The following CAMKMT variants were observed in gnomAD, a reference collection of about 807,000 sequenced individuals.
CAMKMT encodes calmodulin-lysine N-methyltransferase.
Under a neutral mutation model 48.0 loss-of-function variants are expected in CAMKMT, and 53 were observed. That is an observed-to-expected ratio of 1.10 (90% CI 0.89 to 1.39). The LOEUF is 1.39. Ranked by LOEUF, CAMKMT falls within the 40% of genes most tolerant of loss-of-function variation. The probability of loss-of-function intolerance (pLI) is 0.00; values close to 1 mark genes in which losing one functional copy is unlikely to be tolerated. For missense variants in CAMKMT, 428 were observed against 402.7 expected (o/e 1.06, Z -0.54); for synonymous variants, 165 against 152.3 (o/e 1.08, Z -0.61).
chr2:44,542,535 A>ACT (rs1176098094), intron 3 of CAMKMT, among the ~76,000 whole-genome samples: 7 of 59,374 alleles, frequency 1.2e-4, no homozygotes, highest in Non-Finnish European at 4.3e-4. Context: ...ACACACACAC[A>ACT]CACTCTCTCT....
intron 3 of CAMKMT, among the ~76,000 whole-genome samples, chr2:44,698,853 C>T (rs757250099): frequency 3.9e-5 from 6 of 152,218 alleles, no homozygotes; most frequent in Non-Finnish European, 7.3e-5. Flanking sequence ...TCCTCTCAAA[C>T]CCTGCCACTG....
At chr2:44,431,621 G>T (rs991280427) in intron 3 of CAMKMT, among the ~76,000 whole-genome samples, 1 of 152,138 alleles carries the variant, frequency 6.6e-6, no homozygotes. Context: ...TCTGTGATAA[G>T]AACCTAGGTA....
At chr2:44,452,637 A>G (rs1667351380) in intron 3 of CAMKMT, among the ~76,000 whole-genome samples, 1 of 152,036 alleles carries the variant, frequency 6.6e-6, no homozygotes, top group Admixed American at 6.6e-5. Flanking sequence ...TACCTTTGAT[A>G]TTCCAAAGTT....
intron 3 of CAMKMT, among the ~76,000 whole-genome samples, chr2:44,417,704 T>G (rs140128463): frequency 2.0e-5 from 3 of 152,336 alleles, no homozygotes; most frequent in African/African-American, 7.2e-5. Flanking sequence ...TTGCTTCACA[T>G]TTTTGCTAAT....
chr2:44,362,040 C>A lies in CAMKMT; in HGVS notation c.33C>A (p.Gly11=). The A allele has an allele frequency of 7.0e-7, 1 of 1,425,454 alleles. No homozygotes were observed. The allele number at this position is 1,425,454 out of a possible 1,614,324, so 88.3% of individuals were successfully genotyped here. Residue 11 remains glycine, a synonymous_variant, in exon 1 of 11, where the codon GGC becomes GGA. Transcript: ENST00000378494. MESRVADAGT[G]ETARAAGGSP... ...CGCGAGTCGCGGACGCTGGGACCGG[C>A]GAGACCGCGCGAGCAGCGGGCGGGA...
chr2:44,563,940 G>A (rs1489238539), intron 3 of CAMKMT, among the ~76,000 whole-genome samples: 1 of 152,142 alleles, frequency 6.6e-6, no homozygotes, highest in African/African-American at 2.4e-5. Context: ...GAACATACAT[G>A]TGCATATGTC....
intron 3 of CAMKMT, among the ~76,000 whole-genome samples, chr2:44,672,775 AAG>A (rs1424396826): frequency 4.6e-5 from 7 of 152,208 alleles, no homozygotes; most frequent in African/African-American, 1.7e-4. Flanking sequence ...AACTACCCTG[AAG>A]TACTGTAAGA....
chr2:44,659,541 G>A (rs1674564967), intron 3 of CAMKMT, among the ~76,000 whole-genome samples: 1 of 141,718 alleles, frequency 7.1e-6, no homozygotes, highest in African/African-American at 2.6e-5. Context: ...ACCAGCCTGG[G>A]CAACATAGGG....
intron 6 of CAMKMT, among the ~76,000 whole-genome samples, chr2:44,708,283 A>C (rs1191059733): frequency 9.0e-6 from 1 of 111,312 alleles, no homozygotes; most frequent in Admixed American, 1.3e-4. Flanking sequence ...TACTTATTTG[A>C]ATTTTAAGCT....
intron 3 of CAMKMT, among the ~76,000 whole-genome samples, chr2:44,689,031 C>T (rs1250286827): frequency 6.6e-6 from 1 of 152,052 alleles, no homozygotes; most frequent in Non-Finnish European, 1.5e-5. Context: ...AGCTGGACTC[C>T]GAGGCAGGAA....
At chr2:44,693,965 G>A (rs181879639) in intron 3 of CAMKMT, among the ~76,000 whole-genome samples, 20 of 152,250 alleles carry the variant, frequency 1.3e-4, no homozygotes, top group South Asian at 6.2e-4. Flanking sequence ...GTGCTGCTTC[G>A]ATGGACATCA....
chr2:44,731,812 A>G (rs1163228304), intron 7 of CAMKMT, among the ~76,000 whole-genome samples: 1 of 152,246 alleles, frequency 6.6e-6, no homozygotes, highest in African/African-American at 2.4e-5. Context: ...AGATGAGGGC[A>G]ATGATACTCA....
chr2:44,623,803 C>T (rs1409938613), intron 3 of CAMKMT, among the ~76,000 whole-genome samples: 1 of 152,066 alleles, frequency 6.6e-6, no homozygotes, highest in Admixed American at 6.6e-5. Context: ...TCAGGCAATC[C>T]CCTACTCCAC....
At chr2:44,426,329 C>G (rs1411088255) in intron 3 of CAMKMT, among the ~76,000 whole-genome samples, 2 of 152,134 alleles carry the variant, frequency 1.3e-5, no homozygotes, top group African/African-American at 4.8e-5. Flanking sequence ...TACTGGAAGT[C>G]TTAACCAGAG....
intron 3 of CAMKMT, among the ~76,000 whole-genome samples, chr2:44,496,723 A>C (rs1669767647): frequency 6.6e-6 from 1 of 152,222 alleles, no homozygotes; most frequent in Admixed American, 6.5e-5. Context: ...ATGTGTAGTC[A>C]CAAATGTGGT....
chr2:44,761,710 G>A (rs1286387398), intron 9 of CAMKMT, among the ~76,000 whole-genome samples: 1 of 152,138 alleles, frequency 6.6e-6, no homozygotes, highest in Non-Finnish European at 1.5e-5. Context: ...TGTTTCCCAA[G>A]TTTCCAGCTT....
intron 7 of CAMKMT, among the ~76,000 whole-genome samples, chr2:44,735,915 A>G (rs915247401): frequency 6.6e-6 from 1 of 151,948 alleles, no homozygotes; most frequent in Non-Finnish European, 1.5e-5. Context: ...ACAAAACAAA[A>G]CAAAACAAAA....
chr2:44,591,601 T>G (rs1053215789), intron 3 of CAMKMT, among the ~76,000 whole-genome samples: 2 of 152,096 alleles, frequency 1.3e-5, no homozygotes, highest in Non-Finnish European at 2.9e-5. Flanking sequence ...AGGAACACTT[T>G]TACACTGTTG....
chr2:44,467,396 G>A (rs1003475041), intron 3 of CAMKMT, among the ~76,000 whole-genome samples: 1 of 152,136 alleles, frequency 6.6e-6, no homozygotes, highest in Non-Finnish European at 1.5e-5. Context: ...GCCAGGCATG[G>A]TGGTGGGTGC....
Sources: allele counts gnomAD v4.1 joint callset (sites outside exome capture counted in the v4.1 genomes callset), GRCh38; gene constraint gnomAD v4.1.1; transcripts MANE v1.5; gene names NCBI Gene and HGNC (gene_info 2026-07-23, HGNC 2026-07-21).